DHX38: variants seen among roughly 807,000 people sequenced by gnomAD.
DHX38 encodes the protein DEAH-box helicase 38.
Under a neutral mutation model 153.1 loss-of-function variants are expected in DHX38, and 100 were observed. That is an observed-to-expected ratio of 0.65 (90% CI 0.56 to 0.77). The LOEUF is 0.77. Ranked by LOEUF, DHX38 falls within the 30% of genes least tolerant of loss-of-function variation. The probability of loss-of-function intolerance (pLI) is 0.00; values close to 1 mark genes in which losing one functional copy is unlikely to be tolerated. For missense variants in DHX38, 1,440 were observed against 1,654.0 expected (o/e 0.87, Z 2.24); for synonymous variants, 650 against 631.7 (o/e 1.03, Z -0.43).
chr16:72,106,582 G>A (rs1421255411), intron 19 of DHX38, among the ~76,000 whole-genome samples: 3 of 152,046 alleles, frequency 2.0e-5, no homozygotes, highest in Admixed American at 6.6e-5. Flanking sequence ...CCAAGGGGCT[G>A]AGATTGCAGG....
At position 72,107,329 on chromosome 16, in the gene DHX38, C is replaced by G. The variant is rs1597447150; in HGVS notation, c.2601-11C>G. ...CCTTGTGGTGAGAAGATGGGGTCTT[C>G]TCCCCGGCAGGCTCTACACCCAGAG... On this transcript the variant is annotated splice_polypyrimidine_tract_variant and intron_variant, in intron 19 of 26. Coordinates refer to ENST00000268482, the MANE Select transcript of DHX38 (RefSeq NM_014003.4). The surrounding 1 kb of genome is among the most constrained non-coding windows in gnomAD (Gnocchi z 5.3). 6.2e-7 allele frequency: 1 copy of G among 1,600,142 alleles called. No homozygotes were observed. The highest frequency in any genetic ancestry group is 8.5e-7 in the Non-Finnish European group (1 of 1,177,084).
rs775901218 is a variant in DHX38 at position 72,099,283 on chromosome 16, A to G, written c.960+3A>G. On this transcript the variant is annotated splice_donor_region_variant and intron_variant, in intron 7 of 26. Transcript: ENST00000268482. ...AGCAGTGGGAAGATGACCAGAGGGT[A>G]AAGTTTTATACCTCTGAGGGGCTGA... 6.2e-7 allele frequency: 1 copy of G among 1,607,650 alleles called. No individual in the cohort carries two copies. The highest frequency in any genetic ancestry group is 8.5e-7 in the Non-Finnish European group (1 of 1,177,140).
intron 4 of DHX38, among the ~76,000 whole-genome samples, 185 bp from the exon 5 acceptor site, chr16:72,098,460 C>T (rs971117265): frequency 6.6e-6 from 1 of 152,138 alleles, no homozygotes; most frequent in African/African-American, 2.4e-5. Flanking sequence ...AAAAATACAT[C>T]CTGGACCATT....
intron 17 of DHX38, 58 bp downstream of exon 17, chr16:72,105,406 G>T (rs1021532211): frequency 6.2e-7 from 1 of 1,601,358 alleles, no homozygotes; most frequent in African/African-American, 1.3e-5. Flanking sequence ...GAAGCGAGAG[G>T]GGATGTGACT....
chr16:72,110,902 C>CAGAAGGTGTAGA, intron 25 of DHX38, 54 bp from the exon 26 acceptor site: 2 of 1,522,734 alleles, frequency 1.3e-6, no homozygotes, highest in Non-Finnish European at 8.9e-7. Flanking sequence ...CCGACGAGGC[C>CAGAAGGTGTAGA]TCCTTCCTTA....
intron 26 of DHX38, among the ~76,000 whole-genome samples, chr16:72,111,405 C>CTGG (rs1407604845): frequency 6.6e-6 from 1 of 152,198 alleles, no homozygotes; most frequent in African/African-American, 2.4e-5. Context: ...TGCGTCTGTG[C>CTGG]TGGTCCCTGG....
At chr16:72,108,161 C>G (rs1336102200) in intron 21 of DHX38, 66 bp from the exon 22 acceptor site, 4 of 1,578,692 alleles carry the variant, frequency 2.5e-6, no homozygotes, top group Non-Finnish European at 3.5e-6. Context: ...GTTAGAACCT[C>G]TGGGATGTGC....
At chr16:72,099,152 C>A (rs1241238139) in intron 6 of DHX38, 52 bp from the exon 7 acceptor site, 2 of 1,593,772 alleles carry the variant, frequency 1.3e-6, no homozygotes, top group Non-Finnish European at 8.5e-7. Flanking sequence ...CTGTCTGGGG[C>A]CGCTGGGGAC....
chr16:72,112,325 C>A, intron 26 of DHX38, 88 bp from the exon 27 acceptor site: 1 of 1,330,926 alleles, frequency 7.5e-7, no homozygotes, highest in Non-Finnish European at 1.1e-6. Flanking sequence ...GGGTTAGGAA[C>A]AGTAAGTCCT....
rs1427263381 is a variant in DHX38 at position 72,111,056 on chromosome 16, G to A, written c.3578G>A (p.Arg1193His). Residue 1193 changes from arginine (R) to histidine (H), a missense_variant, in exon 26 of 27, where the codon CGC becomes CAC. Arg to His is a conservative substitution (Grantham distance 29, BLOSUM62 0). Coordinates refer to ENST00000268482, the MANE Select transcript of DHX38 (RefSeq NM_014003.4). ...GCCCGGCGGCAGGAGCAGGAGAAGC[G>A]CAGCCCCCTGGGCAGTGTCAGGTGA... is the stretch of plus-strand genomic sequence containing the variant. ...LRARRQEQEK[R>H]SPLGSVRSTK... The A allele has an allele frequency of 4.5e-6, 7 of 1,568,976 alleles. No individual in the cohort carries two copies. Among genetic ancestry groups the A allele is most frequent in the East Asian group, 2.4e-5 (1 of 42,436 alleles).
Position 72,107,772 on chromosome 16 carries a change from G to C in DHX38, c.2937G>C (p.Ser979=). ...TCCTGCTCATCGTTTCCATGCTCTC[G>C]GTCCCAGCCATCTTCTACAGGCCCA... The part of the protein sequence containing the change: ...SEILLIVSML[S]VPAIFYRPKG... The change falls in exon 21 of 27, where the codon TCG becomes TCC. Residue 979 remains serine, a synonymous_variant. Coordinates refer to ENST00000268482, the MANE Select transcript of DHX38 (RefSeq NM_014003.4). This position sits in a 1 kb window ranked among gnomAD's most constrained non-coding sequence, Gnocchi z 5.3. 6.2e-7 allele frequency: 1 copy of C among 1,613,854 alleles called. No homozygotes were observed. Among genetic ancestry groups the C allele is most frequent in the Non-Finnish European group, 8.5e-7 (1 of 1,180,022 alleles).
In DHX38 at chr16:72,101,208, T is replaced by A. The variant is rs1416565209; in HGVS notation, c.1386+15T>A. ...AGCGCAAGAAGGTTGGTTTCTTGGT[T>A]TCGTGGCTGGGAAGTTTATGTGTAT... On this transcript the variant is annotated intron_variant, in intron 10 of 26. Coordinates refer to ENST00000268482, the MANE Select transcript of DHX38 (RefSeq NM_014003.4). The A allele has an allele frequency of 8.7e-6, 14 of 1,613,780 alleles. 1 individual carries two copies. In the South Asian group the frequency reaches 1.5e-4, roughly 18 times the overall value.
Position 72,100,444 on chromosome 16 carries a change from G to T in DHX38, c.1125G>T (p.Glu375Asp). The T allele has an allele frequency of 6.2e-7, 1 of 1,614,018 alleles. No homozygotes were observed. The highest frequency in any genetic ancestry group is 8.5e-7 in the Non-Finnish European group (1 of 1,179,912). ...CCATTGTGTCCTCACAGGATAACGA[G>T]CGCTGGGAGACAAACCGCATGCTCA... ...AQRRQINEDN[E>D]RWETNRMLTS... Residue 375 changes from glutamate to aspartate, a missense_variant, in exon 9 of 27, where the codon GAG (glutamate) becomes GAT (aspartate). Physicochemically the swap from Glu to Asp is conservative, Grantham distance 45 (BLOSUM62 2). Transcript: ENST00000268482.
chr16:72,111,383 G>A (rs1035380228), intron 26 of DHX38, among the ~76,000 whole-genome samples: 5 of 152,202 alleles, frequency 3.3e-5, no homozygotes, highest in African/African-American at 4.8e-5. Flanking sequence ...TGAGAAGTGC[G>A]CCTTGGGCTT....
chr16:72,095,394 A>C (rs1228626764), intron 1 of DHX38, among the ~76,000 whole-genome samples: 2 of 152,248 alleles, frequency 1.3e-5, no homozygotes, highest in Non-Finnish European at 2.9e-5. Context: ...AAGAAAAGCC[A>C]CTAAAGTATG....
chr16:72,112,797 T>G lies in DHX38; in HGVS notation c.*300T>G, dbSNP rs2042275532. The G allele has an allele frequency of 1.4e-6, 1 of 702,636 alleles. No homozygotes were observed. Among genetic ancestry groups the G allele is most frequent in the African/African-American group, 1.7e-5 (1 of 57,254 alleles). 43.5% of individuals were successfully genotyped at this position (702,636 alleles called of 1,614,324 possible). ...CCAGGACACTTGGTGTATGCGTGAC[T>G]TGGCTGTGGCTGTCTTTTTTAATCC... On this transcript the variant is annotated 3_prime_UTR_variant, in exon 27 of 27. Transcript: ENST00000268482.
Position 72,094,006 on chromosome 16 carries a change from C to A in DHX38, c.-65C>A. 6.5e-6 allele frequency: 1 copy of A among 152,778 alleles called. No homozygotes were observed. Among genetic ancestry groups the A allele is most frequent in the Non-Finnish European group, 1.5e-5 (1 of 68,434 alleles). 9.5% of individuals were successfully genotyped at this position (152,778 alleles called of 1,614,324 possible). A position where few individuals can be genotyped will look rare whatever the true frequency, so the allele number is the denominator to read the frequency against. ...TGAGCGAGGGGTGGCAGCGCCGGCG[C>A]CCCAGAATCCGGGACAGAAGGGTCC... On this transcript the variant is annotated 5_prime_UTR_variant, in exon 1 of 27. Transcript: ENST00000268482.
chr16:72,106,729 G>A (rs554416028), intron 19 of DHX38, among the ~76,000 whole-genome samples: 2 of 152,256 alleles, frequency 1.3e-5, no homozygotes, highest in South Asian at 4.1e-4. Context: ...GGCATTATAG[G>A]TGTGAGCCAC....
intron 19 of DHX38, among the ~76,000 whole-genome samples, chr16:72,106,988 G>C: frequency 6.6e-6 from 1 of 152,052 alleles, no homozygotes; most frequent in African/African-American, 2.4e-5. Context: ...GGCCAATATG[G>C]TGAAACCCCA....
Sources: allele counts gnomAD v4.1 joint callset (sites outside exome capture counted in the v4.1 genomes callset), GRCh38; gene constraint gnomAD v4.1.1; non-coding constraint Gnocchi (gnomAD v3.1); transcripts MANE v1.5; gene names NCBI Gene and HGNC (gene_info 2026-07-23, HGNC 2026-07-21).